Variants in SYNE1 observed in about 807,000 individuals in gnomAD.
SYNE1 encodes the protein nesprin-1.
Under a neutral mutation model 1,111.0 loss-of-function variants are expected in SYNE1, and 616 were observed. The ratio of observed to expected loss-of-function variants is 0.55; its 90% CI spans 0.52 to 0.59. The LOEUF (loss-of-function observed/expected upper bound fraction) is 0.59. SYNE1 is among the 20% of genes least tolerant of loss of function. SYNE1 has a pLI of 0.00. For missense variants in SYNE1, 10,006 were observed against 10,417.0 expected, an observed-to-expected ratio of 0.96 and a Z score of 1.72; for synonymous variants, 3,855 against 3,825.8, an observed-to-expected ratio of 1.01 and a Z score of -0.28.
intron 74 of SYNE1, among the ~76,000 whole-genome samples, chr6:152,342,586 A>C (rs1399142731): frequency 6.6e-6 from 1 of 152,228 alleles, no homozygotes; most frequent in African/African-American, 2.4e-5. Flanking sequence ...CTTTATGTGG[A>C]CTCAGTGATC....
chr6:152,565,127 G>A (rs1337531518), intron 3 of SYNE1, among the ~76,000 whole-genome samples: 1 of 152,116 alleles, frequency 6.6e-6, no homozygotes. Flanking sequence ...ACAGGGAAGC[G>A]AAGAAGTTTC....
chr6:152,210,352 GTTA>G (rs1176701117), intron 124 of SYNE1, among the ~76,000 whole-genome samples: 1 of 151,946 alleles, frequency 6.6e-6, no homozygotes, highest in East Asian at 1.9e-4. Context: ...TTATAATATT[GTTA>G]TAGAGTTGGC....
intron 138 of SYNE1, 75 bp from the exon 139 acceptor site, chr6:152,141,404 T>C: frequency 1.3e-6 from 2 of 1,593,504 alleles, no homozygotes; most frequent in African/African-American, 1.3e-5. Context: ...AAAATCTCTT[T>C]GTAATTTCTC....
In SYNE1 at chr6:152,486,404, T is replaced by C. The variant is rs1187928035; in HGVS notation, c.1048-1432A>G. On this transcript the variant is annotated intron_variant, in intron 12 of 145. Coordinates refer to ENST00000367255, the MANE Select transcript of SYNE1 (RefSeq NM_182961.4). Reference sequence around the variant, plus strand: ...CCCTAAATTCAGATTTCAGAGAGACTCTAAACCCATTTTTATGAGACTAGT... The same window carrying C: ...CCCTAAATTCAGATTTCAGAGAGACCCTAAACCCATTTTTATGAGACTAGT... Among the ~76,000 whole-genome samples, 4 of 152,176 alleles carry C rather than the reference T, an allele frequency of 2.6e-5. No individual in the cohort carries two copies. In the East Asian group the frequency reaches 7.7e-4, roughly 29 times the overall value.
intron 130 of SYNE1, chr6:152,167,639 A>G (rs1243397822): frequency 6.9e-6 from 3 of 436,208 alleles, no homozygotes; most frequent in African/African-American, 6.2e-5. Context: ...AACTTTCTCA[A>G]ACACACAGCA....
intron 5 of SYNE1, among the ~76,000 whole-genome samples, chr6:152,522,826 A>C (rs907735379): frequency 6.6e-6 from 1 of 151,700 alleles, no homozygotes; most frequent in African/African-American, 2.4e-5. Context: ...ACATTTTTTC[A>C]TGTGTATTAC....
At position 152,433,838 on chromosome 6, in the gene SYNE1, T is replaced by G. The variant is rs750626101; in HGVS notation, c.4418A>C (p.Glu1473Ala). ...TEKEKELNAL[E>A]TSSSAMDMQI... is the part of the protein sequence containing the mutation. ...CATGTCCATGGCAGATGACGAAGTTTCCAAGGCATTGAGTTCTTTTTCTTT... is the reference window on the plus strand; with the variant it reads ...CATGTCCATGGCAGATGACGAAGTTGCCAAGGCATTGAGTTCTTTTTCTTT... Residue 1473 changes from glutamate to alanine, a missense_variant, in exon 34 of 146, where the codon GAA becomes GCA. Transcript: ENST00000367255. 4 of 1,613,904 alleles carry G rather than the reference T, an allele frequency of 2.5e-6. No individual in the cohort carries two copies. The South Asian group carries it at 4.4e-5, about 18-fold the overall frequency.
At position 152,330,215 on chromosome 6, in the gene SYNE1, T is replaced by C. The variant is rs759507951; in HGVS notation, c.14470A>G (p.Ser4824Gly). 1 of 1,614,184 alleles carries C rather than the reference T, an allele frequency of 6.2e-7. No homozygotes were observed. The highest frequency in any genetic ancestry group is 1.6e-4 in the Middle Eastern group (1 of 6,062). Residue 4824 changes from serine (S) to glycine (G), a missense_variant, in exon 78 of 146, where the codon AGT (serine) becomes GGT (glycine). Ser to Gly is a moderately conservative substitution (Grantham distance 56, BLOSUM62 0). This residue lies in a region of SYNE1 where 4,955 missense variants were observed against 5,017.2 expected (regional missense o/e 0.99). Coordinates refer to ENST00000367255, the MANE Select transcript of SYNE1 (RefSeq NM_182961.4). ...KLKMYHSLAG[S>G]LQDSGIVLKR... is the part of the protein sequence containing the mutation. ...AGTACAATCCCTGAGTCCTGGAGAC[T>C]TCCTGCCAGGGAGTGATACATTTTG...
rs1012445028 is a variant in SYNE1 at position 152,513,616 on chromosome 6, G to A, written c.310-2513C>T. ...CCCAAAGTGCTGGTATTACAGGAGT[G>A]AGCCACCACGCTGGGCCCAGTGAGA... On this transcript the variant is annotated intron_variant, in intron 6 of 145. Coordinates refer to ENST00000367255, the MANE Select transcript of SYNE1 (RefSeq NM_182961.4). 1.3e-5 allele frequency among the ~76,000 whole-genome samples: 2 copies of A among 152,108 alleles called. 1 individual carries two copies. The highest frequency in any genetic ancestry group is 4.1e-4 in the South Asian group (2 of 4,824).
chr6:152,231,486 C>T lies in SYNE1; in HGVS notation c.20944G>A (p.Val6982Met), dbSNP rs769397331. Residue 6982 changes from valine to methionine, a missense_variant, in exon 114 of 146, where the codon GTG becomes ATG. Physicochemically the swap from Val to Met is conservative, Grantham distance 21 (BLOSUM62 1). This residue lies in a region of SYNE1 where 2,182 missense variants were observed against 2,287.8 expected (regional missense o/e 0.95). Transcript: ENST00000367255. Reference sequence around the variant, plus strand: ...GTCTTATCACTACGCTTACTTTCCACATCCTGACTGCTGATTTGTAGCACG... The same window carrying T: ...GTCTTATCACTACGCTTACTTTCCATATCCTGACTGCTGATTTGTAGCACG... ...QSVLQISSQD[V>M]ESKRSDKTDF... The T allele has an allele frequency of 1.2e-6, 2 of 1,614,190 alleles. No homozygotes were observed. The highest frequency in any genetic ancestry group is 1.7e-6 in the Non-Finnish European group (2 of 1,180,042).
intron 78 of SYNE1, among the ~76,000 whole-genome samples, chr6:152,327,696 T>G (rs1489028222): frequency 6.6e-6 from 1 of 152,156 alleles, no homozygotes; most frequent in African/African-American, 2.4e-5. Flanking sequence ...AGATAATCAA[T>G]AAGACAAGAT....
In SYNE1 at chr6:152,135,146, G is replaced by A. The variant is rs774875575; in HGVS notation, c.25746C>T (p.Asn8582=). ...GGTCCTGAAGTATCTCTGCATCAAG[G>A]TTAGAATCAATAGGGACAATTTCAT... The part of the protein sequence containing the change: ...RKNEIVPIDS[N]LDAEILQDHH... Residue 8582 remains asparagine (N), a synonymous_variant, in exon 142 of 146, where the codon AAC becomes AAT. Transcript: ENST00000367255. The A allele has an allele frequency of 1.2e-6, 2 of 1,613,996 alleles. No homozygotes were observed. Among genetic ancestry groups the A allele is most frequent in the African/African-American group, 1.3e-5 (1 of 74,916 alleles).
intron 145 of SYNE1, chr6:152,126,133 G>A (rs1040794744): frequency 6.6e-6 from 1 of 152,160 alleles, no homozygotes; most frequent in African/African-American, 2.4e-5. Context: ...GCCAAGCTAG[G>A]AAGAAGTCAT....
At chr6:152,171,485 G>T (rs1265040821) in intron 130 of SYNE1, among the ~76,000 whole-genome samples, 1 of 152,048 alleles carries the variant, frequency 6.6e-6, no homozygotes, top group Non-Finnish European at 1.5e-5. Flanking sequence ...GGCTTAAAAT[G>T]ACTGATCACA....
chr6:152,169,977 A>G (rs1273884426), intron 130 of SYNE1, among the ~76,000 whole-genome samples: 2 of 152,156 alleles, frequency 1.3e-5, no homozygotes, highest in African/African-American at 2.4e-5. Flanking sequence ...AAAGAAATAT[A>G]TTGGTTATGA....
At chr6:152,141,371 C>A in intron 138 of SYNE1, 42 bp from the exon 139 acceptor site, 1 of 1,612,002 alleles carries the variant, frequency 6.2e-7, no homozygotes, top group Non-Finnish European at 8.5e-7. Flanking sequence ...CCCAAATCTT[C>A]ATGAGTGCAA....
chr6:152,154,967 T>C lies in SYNE1; in HGVS notation c.24054A>G (p.Ser8018=). 6.2e-7 allele frequency: 1 copy of C among 1,614,224 alleles called. No individual in the cohort carries two copies. Among genetic ancestry groups the C allele is most frequent in the Non-Finnish European group, 8.5e-7 (1 of 1,180,028 alleles). Residue 8018 remains serine, a synonymous_variant, in exon 133 of 146, where the codon TCA becomes TCG. Transcript: ENST00000367255. ...YSRFEDWLKS[S]ERTAAFPSSS... ...AGCTGGGAAAAGCAGCTGTCCTTTCTGAAGACTTCAGCCAATCTTCAAAAC... is the reference window on the plus strand; with the variant it reads ...AGCTGGGAAAAGCAGCTGTCCTTTCCGAAGACTTCAGCCAATCTTCAAAAC...
intron 36 of SYNE1, 56 bp from the exon 37 acceptor site, chr6:152,428,448 TTTTTC>T: frequency 6.3e-7 from 1 of 1,592,642 alleles, no homozygotes; most frequent in East Asian, 2.2e-5. Context: ...GAGGCCTGCA[TTTTTC>T]TTTGACACCG....
intron 3 of SYNE1, among the ~76,000 whole-genome samples, chr6:152,603,567 G>A (rs577559319): frequency 7.4e-4 from 113 of 151,888 alleles, no homozygotes; most frequent in Non-Finnish European, 1.4e-3. Context: ...GGTAGTTCTG[G>A]GTTAGGTAGT....
Sources: allele counts gnomAD v4.1 joint callset (sites outside exome capture counted in the v4.1 genomes callset), GRCh38; gene constraint gnomAD v4.1.1; regional missense constraint gnomAD v4.1.1; transcripts MANE v1.5; gene names NCBI Gene and HGNC (gene_info 2026-07-23, HGNC 2026-07-21).